The following RAPGEF2 variants were observed in gnomAD, a reference collection of about 807,000 sequenced individuals.
The protein encoded by RAPGEF2 is Rap guanine nucleotide exchange factor 2.
A neutral mutation model predicts 186.7 loss-of-function variants in RAPGEF2; 54 were observed. That is an observed-to-expected ratio of 0.29 (90% CI 0.23 to 0.36). The LOEUF is 0.36. RAPGEF2 is among the 10% of genes least tolerant of loss of function. RAPGEF2 has a pLI of 1.00. For missense variants in RAPGEF2, 1,532 were observed against 2,045.0 expected, an observed-to-expected ratio of 0.75 and a Z score of 4.84; for synonymous variants, 712 against 705.9, an observed-to-expected ratio of 1.01 and a Z score of -0.14.
chr4:159,328,428 T>C (rs1766228590), intron 11 of RAPGEF2: 1 of 152,180 alleles, frequency 6.6e-6, no homozygotes, highest in Non-Finnish European at 1.5e-5. Context: ...AAAAAGCCTA[T>C]ATCTTTTGAT....
chr4:159,267,994 T>A, intron 7 of RAPGEF2: 1 of 1,426,356 alleles, frequency 7.0e-7, no homozygotes, highest in Non-Finnish European at 9.1e-7. Flanking sequence ...TGTGAAGGGT[T>A]TTTAAGCTTA....
chr4:159,177,517 G>A (rs1397486020), intron 1 of RAPGEF2, among the ~76,000 whole-genome samples: 3 of 152,182 alleles, frequency 2.0e-5, no homozygotes, highest in Non-Finnish European at 4.4e-5. Context: ...CACAGCTAGG[G>A]AGTGGTGGGG....
chr4:159,108,448 C>T (rs115074464), intron 1 of RAPGEF2, among the ~76,000 whole-genome samples: 2,101 of 126,992 alleles, frequency 0.017, 58 homozygotes, highest in African/African-American at 0.059. Flanking sequence ...CAAGAAGGAA[C>T]ATAAAATAAA....
At chr4:159,224,075 T>G (rs1751790621) in intron 4 of RAPGEF2, among the ~76,000 whole-genome samples, 1 of 152,150 alleles carries the variant, frequency 6.6e-6, no homozygotes, top group African/African-American at 2.4e-5. Flanking sequence ...ATTTTTGTAT[T>G]TTTTGTAAAG....
chr4:159,320,259 A>C (rs540441005), intron 9 of RAPGEF2, among the ~76,000 whole-genome samples: 2 of 152,138 alleles, frequency 1.3e-5, no homozygotes, highest in African/African-American at 4.8e-5. Context: ...AGGTCAATGC[A>C]TTGGTAAAAC....
chr4:159,201,087 G>A (rs1027242650), intron 3 of RAPGEF2, among the ~76,000 whole-genome samples: 8 of 151,978 alleles, frequency 5.3e-5, no homozygotes, highest in Non-Finnish European at 1.0e-4. Flanking sequence ...CATTGTTGGG[G>A]TTGCTTACTG....
rs200085591 is a variant in RAPGEF2 at position 159,346,874 on chromosome 4, G to A, written c.3588G>A (p.Gln1196=). 4.1e-4 allele frequency: 659 copies of A among 1,614,024 alleles called. No homozygotes were observed. The highest frequency in any genetic ancestry group is 5.3e-4 in the Non-Finnish European group (628 of 1,180,024). Residue 1196 remains glutamine (Q), a synonymous_variant, in exon 25 of 30, where the codon CAG becomes CAA. Transcript: ENST00000691494. ...GGGCAGGGTCACAACAGAAAGCTCA[G>A]TCCCTGCCACAGCCCCAGCAGCAGC... ...APRAGSQQKA[Q]SLPQPQQQPP...
At chr4:159,322,272 C>A in intron 9 of RAPGEF2, 75 bp from the exon 10 acceptor site, 3 of 1,409,304 alleles carry the variant, frequency 2.1e-6, no homozygotes, top group Non-Finnish European at 2.0e-6. Context: ...AAGAAAGGAC[C>A]CTAAAACATT....
chr4:159,128,713 A>C (rs1416956845), intron 1 of RAPGEF2: 2 of 151,868 alleles, frequency 1.3e-5, no homozygotes, highest in Non-Finnish European at 2.9e-5. Context: ...TTCAGACTTC[A>C]AAGAACCATT....
intron 7 of RAPGEF2, among the ~76,000 whole-genome samples, chr4:159,262,408 G>A (rs996232666): frequency 6.6e-6 from 1 of 152,120 alleles, no homozygotes; most frequent in African/African-American, 2.4e-5. Flanking sequence ...TAGTGGGGGG[G>A]CCTTGTTCTA....
At chr4:159,121,826 C>G (rs1292022805) in intron 1 of RAPGEF2, among the ~76,000 whole-genome samples, 1 of 148,158 alleles carries the variant, frequency 6.7e-6, no homozygotes, top group Non-Finnish European at 1.5e-5. Flanking sequence ...GTCAGGAGTT[C>G]GAGACCACCC....
chr4:159,158,472 T>C (rs1744355298), intron 1 of RAPGEF2, among the ~76,000 whole-genome samples: 1 of 152,220 alleles, frequency 6.6e-6, no homozygotes, highest in Non-Finnish European at 1.5e-5. Flanking sequence ...AGAGCACTTG[T>C]AAGGTTATCA....
chr4:159,146,163 T>G (rs894749426), intron 1 of RAPGEF2, among the ~76,000 whole-genome samples: 2 of 152,164 alleles, frequency 1.3e-5, no homozygotes, highest in African/African-American at 4.8e-5. Context: ...TGTTATATAA[T>G]TCTATGAAAT....
chr4:159,103,300 G>T lies in RAPGEF2; in HGVS notation c.-863G>T. 6.6e-6 allele frequency: 1 copy of T among 152,230 alleles called. No individual in the cohort carries two copies. Among genetic ancestry groups the T allele is most frequent in the South Asian group, 1.9e-4 (1 of 5,400 alleles). The allele number at this position is 152,230 out of a possible 1,614,324, so 9.4% of individuals were successfully genotyped here. A position where few individuals can be genotyped will look rare whatever the true frequency, so the allele number is the denominator to read the frequency against. ...GACGAGGAACAAAGTTGCCGAGAGC[G>T]ACTGGGCCGGAGGGCTGCAGCCCGG... On this transcript the variant is annotated 5_prime_UTR_variant, in exon 1 of 30. Coordinates refer to ENST00000691494, the MANE Select transcript of RAPGEF2 (RefSeq NM_001394067.2).
chr4:159,209,093 C>T (rs1319837567), intron 3 of RAPGEF2, among the ~76,000 whole-genome samples: 2 of 150,636 alleles, frequency 1.3e-5, no homozygotes, highest in Non-Finnish European at 1.5e-5. Context: ...GGTTTCACCA[C>T]GTTGGCCAGG....
At chr4:159,299,981 G>C (rs1469125709) in intron 7 of RAPGEF2, among the ~76,000 whole-genome samples, 2 of 151,632 alleles carry the variant, frequency 1.3e-5, no homozygotes, top group Non-Finnish European at 2.9e-5. Flanking sequence ...TGTGTGCCAG[G>C]CACTTCTCTA....
At chr4:159,264,074 A>AT (rs1306389242) in intron 7 of RAPGEF2, among the ~76,000 whole-genome samples, 7 of 152,082 alleles carry the variant, frequency 4.6e-5, no homozygotes, top group East Asian at 1.9e-4. Context: ...GGTAAGTGTG[A>AT]TTTTTTCTTA....
chr4:159,157,097 G>T (rs59285486), intron 1 of RAPGEF2, among the ~76,000 whole-genome samples: 6,226 of 152,152 alleles, frequency 0.041, 450 homozygotes, highest in African/African-American at 0.14. Flanking sequence ...GGCTGGTCAG[G>T]ATTCTTGCAT....
At chr4:159,137,446 C>T (rs1289048991) in intron 1 of RAPGEF2, among the ~76,000 whole-genome samples, 1 of 152,164 alleles carries the variant, frequency 6.6e-6, no homozygotes, top group Non-Finnish European at 1.5e-5. Flanking sequence ...GACCAGGGCC[C>T]CTCCCTTATG....
Sources: allele counts gnomAD v4.1 joint callset (sites outside exome capture counted in the v4.1 genomes callset), GRCh38; gene constraint gnomAD v4.1.1; transcripts MANE v1.5; gene names NCBI Gene and HGNC (gene_info 2026-07-23, HGNC 2026-07-21).